GSE1: variants seen among roughly 807,000 people sequenced by gnomAD.
The protein encoded by GSE1 is genetic suppressor element 1.
Under a neutral mutation model 112.6 loss-of-function variants are expected in GSE1, and 32 were observed. The observed-to-expected ratio is 0.28, with a 90% CI of 0.21 to 0.38. The LOEUF is 0.38. GSE1 is among the 10% of genes least tolerant of loss of function. The pLI is 1.00. For synonymous variants in GSE1, 1,115 were observed against 735.6 expected (o/e 1.52, Z -8.35); for missense variants, 2,348 against 1,699.2 (o/e 1.38, Z -6.71).
intron 1 of GSE1, among the ~76,000 whole-genome samples, chr16:85,325,760 A>T (rs1416831726): frequency 4.4e-5 from 6 of 135,192 alleles, no homozygotes; most frequent in Non-Finnish European, 9.6e-5. Context: ...CCTTCAGTCA[A>T]TTTTTTTTTT....
chr16:85,480,353 C>T (rs2050632535), intron 2 of GSE1, among the ~76,000 whole-genome samples: 1 of 152,182 alleles, frequency 6.6e-6, no homozygotes, highest in African/African-American at 2.4e-5. Flanking sequence ...TTCTGCATCT[C>T]GCTTGCTTCC....
intron 1 of GSE1, among the ~76,000 whole-genome samples, chr16:85,254,992 G>C (rs942425594): frequency 6.6e-6 from 1 of 152,234 alleles, no homozygotes; most frequent in African/African-American, 2.4e-5. Flanking sequence ...AGAAGAGGTG[G>C]TTGGGGGCAG....
chr16:85,410,069 C>T (rs1203074697), intron 2 of GSE1, among the ~76,000 whole-genome samples: 5 of 38,648 alleles, frequency 1.3e-4, no homozygotes, highest in Non-Finnish European at 1.4e-4. Context: ...ACACTCAGGG[C>T]CCCCCGGATA....
intron 1 of GSE1, among the ~76,000 whole-genome samples, chr16:85,632,165 C>T (rs2049590788): frequency 6.6e-6 from 1 of 152,212 alleles, no homozygotes; most frequent in Non-Finnish European, 1.5e-5. Context: ...CCTGGCCCCT[C>T]CAGAAAGAGC....
chr16:85,451,134 C>T (rs887166030), intron 2 of GSE1, among the ~76,000 whole-genome samples: 13 of 148,078 alleles, frequency 8.8e-5, no homozygotes, highest in African/African-American at 2.7e-4. Context: ...CGCACAAGAG[C>T]GTTCAGTCTT....
intron 1 of GSE1, among the ~76,000 whole-genome samples, chr16:85,339,289 C>T (rs760369982): frequency 5.9e-5 from 9 of 152,176 alleles, no homozygotes; most frequent in South Asian, 2.1e-4. Flanking sequence ...GATTTCCAGC[C>T]GGCGACATCC....
In GSE1 at chr16:85,419,696, C is replaced by T. The variant is rs769091272; in HGVS notation, c.2464+62053C>T. ...ATGCCTCGGGTGCAGTCGTGTGCAA[C>T]GGTGAATGCACGTTGGAATCAGCTG... On this transcript the variant is annotated intron_variant, in intron 2 of 2. Coordinates refer to the GSE1 transcript ENST00000637419. The surrounding 1 kb of genome is among the most constrained non-coding windows in gnomAD (Gnocchi z 6.5). Among the ~76,000 whole-genome samples the T allele has an allele frequency of 2.2e-4, 34 of 152,102 alleles. No homozygotes were observed. The highest frequency in any genetic ancestry group is 1.5e-3 in the East Asian group (8 of 5,190).
chr16:85,497,453 A>G (rs2051218647), intron 2 of GSE1, among the ~76,000 whole-genome samples: 1 of 152,140 alleles, frequency 6.6e-6, no homozygotes, highest in South Asian at 2.1e-4. Context: ...TGGGATAGAC[A>G]AGGTCGTGTG....
chr16:85,185,136 C>T (rs1485757525), intron 1 of GSE1: 1 of 152,236 alleles, frequency 6.6e-6, no homozygotes. Flanking sequence ...GGCGCTGTTT[C>T]CACTATGATG....
intron 1 of GSE1, among the ~76,000 whole-genome samples, chr16:85,624,638 C>G (rs1474011126): frequency 6.6e-6 from 1 of 152,218 alleles, no homozygotes; most frequent in East Asian, 1.9e-4. Flanking sequence ...CCTTCCGGCT[C>G]CTGAGCCTCT....
intron 2 of GSE1, among the ~76,000 whole-genome samples, chr16:85,485,576 A>G (rs904120791): frequency 5.9e-5 from 9 of 152,226 alleles, no homozygotes; most frequent in Non-Finnish European, 1.3e-4. Flanking sequence ...CCGCCGCGTT[A>G]AGGACAGATG....
intron 11 of GSE1, among the ~76,000 whole-genome samples, chr16:85,663,981 G>C (rs893213599): frequency 6.6e-6 from 1 of 152,368 alleles, no homozygotes; most frequent in Admixed American, 6.5e-5. Context: ...TTGCTGGACC[G>C]CTTAGGTGGT....
At chr16:85,622,862 C>T (rs777448280) in intron 1 of GSE1, among the ~76,000 whole-genome samples, 4 of 152,232 alleles carry the variant, frequency 2.6e-5, no homozygotes, top group East Asian at 3.9e-4. Context: ...AGTGTCTGTG[C>T]TGAGGGTTGC....
At chr16:85,596,209 C>T (rs1266075850) in intron 1 of GSE1, among the ~76,000 whole-genome samples, 1 of 152,162 alleles carries the variant, frequency 6.6e-6, no homozygotes, top group African/African-American at 2.4e-5. Flanking sequence ...GATGCATCTG[C>T]TCTTCTCACA....
At chr16:85,432,052 G>A (rs1192753912) in intron 2 of GSE1, among the ~76,000 whole-genome samples, 5 of 152,148 alleles carry the variant, frequency 3.3e-5, no homozygotes, top group African/African-American at 7.2e-5. Context: ...CTAGCTGCAC[G>A]CCCCCGAACT....
chr16:85,481,872 G>C (rs1567523770), intron 2 of GSE1, among the ~76,000 whole-genome samples: 1 of 152,232 alleles, frequency 6.6e-6, no homozygotes, highest in Non-Finnish European at 1.5e-5. Flanking sequence ...ACACGGCGCA[G>C]AGGTGGCAGA....
chr16:85,519,656 C>T lies in GSE1; in HGVS notation c.2465-114258C>T, dbSNP rs1358356793. ...CCAGTCTCCATCATCATCACCTTCACCACCATCACCACAGTCTCCATCACC... is the reference window on the plus strand; with the variant it reads ...CCAGTCTCCATCATCATCACCTTCATCACCATCACCACAGTCTCCATCACC... On this transcript the variant is annotated intron_variant, in intron 2 of 2. Transcript: ENST00000637419. Among the ~76,000 whole-genome samples, 283 of 150,382 alleles carry T rather than the reference C, an allele frequency of 1.9e-3. 2 individuals are homozygous for T. The highest frequency in any genetic ancestry group is 5.8e-3 in the African/African-American group (239 of 40,990).
chr16:85,420,719 C>T (rs1452887273), intron 2 of GSE1, among the ~76,000 whole-genome samples: 10 of 152,222 alleles, frequency 6.6e-5, no homozygotes, highest in Admixed American at 6.5e-4. Context: ...TCAGGGGTGG[C>T]TAGCCAGCAG....
chr16:85,262,862 T>G (rs114945017), intron 1 of GSE1, among the ~76,000 whole-genome samples: 1,988 of 152,262 alleles, frequency 0.013, 47 homozygotes, highest in African/African-American at 0.044. Context: ...AGCCTCTGGG[T>G]TCCTCCATTC....
Sources: allele counts gnomAD v4.1 joint callset (sites outside exome capture counted in the v4.1 genomes callset), GRCh38; gene constraint gnomAD v4.1.1; non-coding constraint Gnocchi (gnomAD v3.1); transcripts MANE v1.5; gene names NCBI Gene and HGNC (gene_info 2026-07-23, HGNC 2026-07-21).